The following DAB1 variants were observed in gnomAD, a reference collection of about 807,000 sequenced individuals.
DAB1 encodes disabled homolog 1.
Under a neutral mutation model 64.6 loss-of-function variants are expected in DAB1, and 15 were observed. That is an observed-to-expected ratio of 0.23 (90% confidence interval 0.16 to 0.36). The LOEUF (loss-of-function observed/expected upper bound fraction) is 0.36, where lower values mean the gene tolerates loss of function less well. Ranked by LOEUF, DAB1 falls within the 10% of genes least tolerant of loss-of-function variation. The probability of loss-of-function intolerance (pLI) is 1.00; values close to 1 mark genes in which losing one functional copy is unlikely to be tolerated. For missense variants in DAB1, 596 were observed against 706.7 expected, an observed-to-expected ratio of 0.84 and a Z score of 1.78; for synonymous variants, 235 against 251.9, an observed-to-expected ratio of 0.93 and a Z score of 0.64.
At chr1:57,876,866 C>G (rs916588013) in intron 1 of DAB1, 1 of 151,924 alleles carries the variant, frequency 6.6e-6, no homozygotes, top group Admixed American at 6.6e-5. Context: ...GGAGGAGATG[C>G]CTCTGGGCTA....
At chr1:57,151,367 A>G (rs1262370021) in intron 2 of DAB1, among the ~76,000 whole-genome samples, 1 of 152,172 alleles carries the variant, frequency 6.6e-6, no homozygotes, top group Non-Finnish European at 1.5e-5. Flanking sequence ...ACATATAAAT[A>G]TCCCTGTACT....
At position 57,457,024 on chromosome 1, in the gene DAB1, C is replaced by T. The variant is rs1006664406; in HGVS notation, n.626-165858G>A. Among the ~76,000 whole-genome samples the T allele has an allele frequency of 6.6e-5, 10 of 152,018 alleles. 1 individual carries two copies. Among genetic ancestry groups the T allele is most frequent in the Admixed American group, 5.9e-4 (9 of 15,240 alleles). ...AGGAAGAAAAACAAAATATTAATGG[C>T]AATGTGATGAATTCTGCGAGGCCCC... is the stretch of plus-strand genomic sequence containing the variant. On this transcript the variant is annotated intron_variant and non_coding_transcript_variant, in intron 7 of 20. Coordinates refer to the DAB1 transcript ENST00000485760.
At chr1:57,767,579 T>C (rs1160882278) in intron 6 of DAB1, among the ~76,000 whole-genome samples, 1 of 152,172 alleles carries the variant, frequency 6.6e-6, no homozygotes, top group Non-Finnish European at 1.5e-5. Flanking sequence ...CAATGTAAAC[T>C]CCATAACTGG....
chr1:57,726,755 G>A (rs1647216459), intron 6 of DAB1, among the ~76,000 whole-genome samples: 1 of 152,148 alleles, frequency 6.6e-6, no homozygotes, highest in Non-Finnish European at 1.5e-5. Context: ...AACTTGCTGA[G>A]AATCATGTAG....
intron 3 of DAB1, among the ~76,000 whole-genome samples, chr1:58,364,532 T>C (rs1212596615): frequency 6.6e-6 from 1 of 152,204 alleles, no homozygotes; most frequent in East Asian, 1.9e-4. Context: ...CCTGGCACAG[T>C]CCACTCCTTT....
chr1:57,139,675 C>T (rs1658418908), intron 3 of DAB1, among the ~76,000 whole-genome samples: 1 of 152,096 alleles, frequency 6.6e-6, no homozygotes, highest in Non-Finnish European at 1.5e-5. Context: ...ACAGTCCTAA[C>T]AGCTCCTAGC....
intron 5 of DAB1, among the ~76,000 whole-genome samples, chr1:57,942,843 TG>T (rs1428001070): frequency 6.6e-6 from 1 of 152,216 alleles, no homozygotes; most frequent in Admixed American, 6.5e-5. Flanking sequence ...GCTGAGTCAT[TG>T]TGTTTTGGGT....
At chr1:57,565,006 T>C (rs1645100429) in intron 7 of DAB1, among the ~76,000 whole-genome samples, 1 of 152,132 alleles carries the variant, frequency 6.6e-6, no homozygotes. Flanking sequence ...GGAAAAAATG[T>C]TAAGGGCAGC....
chr1:58,275,011 C>T (rs1334363763), intron 4 of DAB1, among the ~76,000 whole-genome samples: 6 of 152,152 alleles, frequency 3.9e-5, no homozygotes, highest in South Asian at 2.1e-4. Flanking sequence ...TGTTCCTATT[C>T]GGCCATCTTG....
intron 1 of DAB1, among the ~76,000 whole-genome samples, chr1:57,332,672 T>G (rs1292065473): frequency 2.0e-5 from 3 of 152,212 alleles, no homozygotes; most frequent in Non-Finnish European, 4.4e-5. Flanking sequence ...GTCTCCAGAT[T>G]TGATATTTAA....
At chr1:58,004,409 G>A (rs1441558604) in intron 5 of DAB1, among the ~76,000 whole-genome samples, 9 of 152,262 alleles carry the variant, frequency 5.9e-5, no homozygotes, top group Non-Finnish European at 8.8e-5. Context: ...TAGTTTACCT[G>A]AAAATCTTGA....
At chr1:57,896,899 AAAG>A (rs574214494) in intron 5 of DAB1, among the ~76,000 whole-genome samples, 2 of 152,294 alleles carry the variant, frequency 1.3e-5, no homozygotes, top group South Asian at 4.1e-4. Flanking sequence ...ATGTGGCAAA[AAAG>A]AAGACCTACT....
intron 5 of DAB1, among the ~76,000 whole-genome samples, chr1:57,998,398 T>A (rs2100396387): frequency 6.6e-6 from 1 of 151,192 alleles, no homozygotes; most frequent in Non-Finnish European, 1.5e-5. Flanking sequence ...TCTTTTTTTT[T>A]TTTTTTTTTT....
intron 7 of DAB1, among the ~76,000 whole-genome samples, chr1:57,555,391 GT>G (rs11303581): frequency 0.64 from 82,101 of 128,568 alleles, 24,372 homozygotes; most frequent in South Asian, 0.74. Context: ...CTGTCTCTGG[GT>G]TTTTTTTTTT....
chr1:57,209,333 T>C (rs903877563), intron 2 of DAB1, among the ~76,000 whole-genome samples: 1 of 152,204 alleles, frequency 6.6e-6, no homozygotes, highest in African/African-American at 2.4e-5. Context: ...AACACACTGA[T>C]TTTTCTGCTT....
chr1:58,033,741 C>T (rs1647003892), intron 5 of DAB1, among the ~76,000 whole-genome samples: 1 of 152,162 alleles, frequency 6.6e-6, no homozygotes, highest in Non-Finnish European at 1.5e-5. Flanking sequence ...GCATACTACT[C>T]TACATTTTGA....
chr1:57,129,443 A>C (rs1036600810), intron 4 of DAB1, among the ~76,000 whole-genome samples: 4 of 152,168 alleles, frequency 2.6e-5, no homozygotes, highest in Non-Finnish European at 4.4e-5. Context: ...GATCTGGGGC[A>C]GCCATGGGCC....
intron 7 of DAB1, among the ~76,000 whole-genome samples, chr1:57,465,390 T>C (rs1686922312): frequency 6.6e-6 from 1 of 152,226 alleles, no homozygotes; most frequent in Non-Finnish European, 1.5e-5. Flanking sequence ...CTTTGCCTTC[T>C]GTGGTAGCAC....
chr1:58,225,881 A>G (rs1194802049), intron 4 of DAB1, among the ~76,000 whole-genome samples: 3 of 150,996 alleles, frequency 2.0e-5, no homozygotes, highest in Non-Finnish European at 4.4e-5. Context: ...TAATGGGTGC[A>G]GCACACCAAC....
Sources: allele counts gnomAD v4.1 joint callset (sites outside exome capture counted in the v4.1 genomes callset), GRCh38; gene constraint gnomAD v4.1.1; transcripts MANE v1.5; gene names NCBI Gene and HGNC (gene_info 2026-07-23, HGNC 2026-07-21).